NAV3: variants seen among roughly 807,000 people sequenced by gnomAD.
NAV3 encodes pore membrane and/or filament interacting like protein 1.
In NAV3, 87 loss-of-function variants were observed where a neutral mutation model predicts 244.7. That is an observed-to-expected ratio of 0.36 (90% CI 0.30 to 0.42). NAV3 has a LOEUF of 0.42. Ranked by LOEUF, NAV3 falls within the 20% of genes least tolerant of loss-of-function variation. The probability of loss-of-function intolerance (pLI) is 1.00; values close to 1 mark genes in which losing one functional copy is unlikely to be tolerated. For missense variants in NAV3, 2,663 were observed against 2,893.3 expected (o/e 0.92, Z 1.83); for synonymous variants, 1,126 against 1,042.2 (o/e 1.08, Z -1.55).
intron 2 of NAV3, among the ~76,000 whole-genome samples, chr12:77,790,990 G>A (rs1179491484): frequency 1.3e-5 from 2 of 152,116 alleles, no homozygotes; most frequent in African/African-American, 2.4e-5. Flanking sequence ...GAAGGAAAAC[G>A]AAACAACAAC....
At chr12:77,573,794 A>G (rs549729581) in intron 2 of NAV3, among the ~76,000 whole-genome samples, 2 of 152,276 alleles carry the variant, frequency 1.3e-5, no homozygotes, top group East Asian at 3.9e-4. Flanking sequence ...TCTGATGGAG[A>G]TGCTGCTTTT....
chr12:77,757,025 G>A (rs570851824), intron 2 of NAV3, among the ~76,000 whole-genome samples: 3 of 152,076 alleles, frequency 2.0e-5, no homozygotes, highest in Non-Finnish European at 4.4e-5. Flanking sequence ...CACTTGCTAG[G>A]TATAACAGTA....
chr12:77,898,257 C>T (rs1884859787), intron 1 of NAV3, among the ~76,000 whole-genome samples: 1 of 152,028 alleles, frequency 6.6e-6, no homozygotes, highest in South Asian at 2.1e-4. Flanking sequence ...TAAATATCAT[C>T]GAACTTGTCA....
rs146137887 is a variant in NAV3, at chr12:78,078,271, A to G, written c.2636+19156A>G. ...TTCAACAACCAAATTTTTGGAAGGTACACAATTCAACCGATAACATTCTCA... is the reference window on the plus strand; with the variant it reads ...TTCAACAACCAAATTTTTGGAAGGTGCACAATTCAACCGATAACATTCTCA... On this transcript the variant is annotated intron_variant, in intron 12 of 39. Coordinates refer to ENST00000397909, the MANE Select transcript of NAV3 (RefSeq NM_001024383.2). Among the ~76,000 whole-genome samples, 1,033 of 151,772 alleles carry G rather than the reference A, an allele frequency of 6.8e-3. 14 individuals are homozygous for G. Among genetic ancestry groups the G allele is most frequent in the South Asian group, 0.029 (139 of 4,798 alleles).
intron 2 of NAV3, among the ~76,000 whole-genome samples, chr12:77,782,541 C>T (rs1033632658): frequency 1.1e-4 from 16 of 150,822 alleles, no homozygotes; most frequent in African/African-American, 3.5e-4. Context: ...AGTCATGATG[C>T]GACTTGTCCT....
intron 2 of NAV3, among the ~76,000 whole-genome samples, chr12:77,806,616 G>A (rs1871993377): frequency 6.6e-6 from 1 of 152,162 alleles, no homozygotes; most frequent in Admixed American, 6.5e-5. Context: ...TAATTGCTAT[G>A]TGGTGCTGAG....
intron 3 of NAV3, chr12:77,947,321 A>G (rs1254719485): frequency 6.9e-6 from 1 of 145,202 alleles, no homozygotes; most frequent in African/African-American, 2.5e-5. Context: ...TCTTAATAGT[A>G]AAAAAAAAGC....
upstream of NAV3, among the ~76,000 whole-genome samples, chr12:77,830,528 A>G (rs1873496010): frequency 6.6e-6 from 1 of 152,210 alleles, no homozygotes; most frequent in East Asian, 1.9e-4. Context: ...TATAATCATG[A>G]CTTATTAAAT....
intron 2 of NAV3, among the ~76,000 whole-genome samples, chr12:77,756,510 G>A (rs1159648364): frequency 1.3e-5 from 2 of 152,132 alleles, no homozygotes; most frequent in African/African-American, 4.8e-5. Context: ...GTTATATTCA[G>A]TGATGTCAGT....
At chr12:77,864,347 T>C (rs1358068877) in intron 1 of NAV3, among the ~76,000 whole-genome samples, 2 of 151,958 alleles carry the variant, frequency 1.3e-5, no homozygotes, top group Non-Finnish European at 2.9e-5. Context: ...TGTTATGATA[T>C]GGCTTTGGGT....
At chr12:78,172,363 T>C (rs61635301) in intron 24 of NAV3, among the ~76,000 whole-genome samples, 25 of 151,750 alleles carry the variant, frequency 1.6e-4, no homozygotes, top group African/African-American at 5.5e-4. Context: ...TGATACCACA[T>C]GCCATATGCT....
At chr12:78,002,301 G>C (rs1566005779) in intron 7 of NAV3, among the ~76,000 whole-genome samples, 1 of 152,038 alleles carries the variant, frequency 6.6e-6, no homozygotes, top group Non-Finnish European at 1.5e-5. Context: ...GCACCAGAAG[G>C]GATACTACCT....
Position 78,148,910 on chromosome 12 carries a change from T to G in NAV3, c.4776T>G (p.Leu1592=). Residue 1592 remains leucine (L), a synonymous_variant, in exon 22 of 40, where the codon CTT becomes CTG. Coordinates refer to ENST00000397909, the MANE Select transcript of NAV3 (RefSeq NM_001024383.2). ...AAGTTGCTACCCTCACATCTCAGCT[T>G]TCAGCAAATGTAAGTCACTTCATTT... ...QEKVATLTSQ[L]SANAHLVAAF... is the part of the protein sequence containing the mutation. 1 of 1,612,048 alleles carries G rather than the reference T, an allele frequency of 6.2e-7. No homozygotes were observed. The highest frequency in any genetic ancestry group is 8.5e-7 in the Non-Finnish European group (1 of 1,178,748).
chr12:78,189,700 ATT>A (rs557722676), intron 33 of NAV3, among the ~76,000 whole-genome samples: 192 of 151,978 alleles, frequency 1.3e-3, no homozygotes, highest in Non-Finnish European at 1.9e-3. Flanking sequence ...TAATGCTTCC[ATT>A]TCTCTCTGGA....
chr12:78,012,533 C>T (rs1186002772), intron 8 of NAV3, among the ~76,000 whole-genome samples: 2 of 152,098 alleles, frequency 1.3e-5, no homozygotes, highest in Admixed American at 6.6e-5. Flanking sequence ...TGCAGTCCCA[C>T]CTTCCCCCAG....
chr12:78,151,060 A>AC (rs1957064698), intron 22 of NAV3, among the ~76,000 whole-genome samples: 1 of 138,344 alleles, frequency 7.2e-6, no homozygotes, highest in South Asian at 2.2e-4. Context: ...GGGAACAATC[A>AC]TTTAAAAAAA....
intron 9 of NAV3, among the ~76,000 whole-genome samples, chr12:78,033,592 T>A (rs1285857813): frequency 6.6e-6 from 1 of 151,954 alleles, no homozygotes; most frequent in Non-Finnish European, 1.5e-5. Flanking sequence ...AATAAGTGGG[T>A]TCCCCACTGT....
chr12:77,956,120 A>G (rs963106213), intron 3 of NAV3, among the ~76,000 whole-genome samples: 4 of 152,198 alleles, frequency 2.6e-5, no homozygotes, highest in African/African-American at 7.2e-5. Context: ...TTAACTCTCC[A>G]GAAAAAATTT....
intron 2 of NAV3, among the ~76,000 whole-genome samples, chr12:77,607,231 G>A (rs1045100799): frequency 1.3e-5 from 2 of 152,050 alleles, no homozygotes; most frequent in African/African-American, 4.8e-5. Context: ...CAAAGTTCAA[G>A]AGTTACCTAT....
Sources: allele counts gnomAD v4.1 joint callset (sites outside exome capture counted in the v4.1 genomes callset), GRCh38; gene constraint gnomAD v4.1.1; transcripts MANE v1.5; gene names NCBI Gene and HGNC (gene_info 2026-07-23, HGNC 2026-07-21).